The following THSD7B variants were observed in gnomAD, a reference collection of about 807,000 sequenced individuals.
THSD7B encodes thrombospondin type-1 domain-containing protein 7B.
Under a neutral mutation model 213.6 loss-of-function variants are expected in THSD7B, and 138 were observed. The observed-to-expected ratio is 0.65, with a 90% CI of 0.56 to 0.74. The LOEUF is 0.74. Ranked by LOEUF, THSD7B falls within the 30% of genes least tolerant of loss-of-function variation. THSD7B has a pLI of 0.00. For synonymous variants in THSD7B, 742 were observed against 687.0 expected (o/e 1.08, Z -1.25); for missense variants, 1,931 against 1,991.5 (o/e 0.97, Z 0.58).
intron 14 of THSD7B, among the ~76,000 whole-genome samples, chr2:137,440,758 G>T (rs968652309): frequency 6.6e-6 from 1 of 152,072 alleles, no homozygotes; most frequent in Non-Finnish European, 1.5e-5. Flanking sequence ...AAGTAAGCAG[G>T]TAGGCAGTAG....
At chr2:136,941,539 A>G (rs1296276510) in intron 2 of THSD7B, among the ~76,000 whole-genome samples, 5 of 152,092 alleles carry the variant, frequency 3.3e-5, no homozygotes, top group African/African-American at 1.2e-4. Context: ...CTTTTTAATG[A>G]TCACCATTCT....
chr2:137,073,840 T>G (rs1174964357), intron 3 of THSD7B, among the ~76,000 whole-genome samples: 4 of 152,168 alleles, frequency 2.6e-5, no homozygotes, highest in Admixed American at 6.6e-5. Context: ...AGTTCGTTAT[T>G]TACCCAGTAG....
At chr2:137,147,807 C>T (rs896341483) in intron 5 of THSD7B, among the ~76,000 whole-genome samples, 4 of 152,106 alleles carry the variant, frequency 2.6e-5, no homozygotes, top group African/African-American at 4.8e-5. Context: ...TCTTTCTTAC[C>T]GGATCTTCCT....
At chr2:137,042,761 C>T (rs997125741) in intron 2 of THSD7B, among the ~76,000 whole-genome samples, 1 of 152,200 alleles carries the variant, frequency 6.6e-6, no homozygotes, top group Non-Finnish European at 1.5e-5. Context: ...ATTTTCTTTT[C>T]AATAGCCTGA....
chr2:137,642,252 T>C, intron 20 of THSD7B: 2 of 448,638 alleles, frequency 4.5e-6, no homozygotes, highest in Non-Finnish European at 7.9e-6. Context: ...CGTTTGTACT[T>C]TGAAGACTAA....
chr2:137,427,243 C>A (rs1687079416), intron 14 of THSD7B, among the ~76,000 whole-genome samples: 3 of 151,994 alleles, frequency 2.0e-5, no homozygotes, highest in Admixed American at 2.0e-4. Context: ...GTTTCCTTAA[C>A]AAATTAAATA....
rs61745449 is a variant in THSD7B at position 137,115,163 on chromosome 2, C to A, written c.1239C>A (p.Val413=). 325 of 1,613,942 alleles carry A rather than the reference C, an allele frequency of 2.0e-4. 1 individual carries two copies. In the African/African-American group the frequency reaches 3.7e-3, roughly 19 times the overall value. ...WRTSEWKECQ[V]SLLLEQQDPH... ...CTTCTGAATGGAAAGAATGCCAAGT[C>A]TCTCTCCTCCTCGAGCAGCAGGATC... The change falls in exon 5 of 28, where the codon GTC becomes GTA. Residue 413 remains valine, a synonymous_variant. Transcript: ENST00000409968.
At chr2:137,031,364 A>C (rs998438367) in intron 2 of THSD7B, among the ~76,000 whole-genome samples, 4 of 151,592 alleles carry the variant, frequency 2.6e-5, no homozygotes, top group Non-Finnish European at 5.9e-5. Context: ...GAATAAATAC[A>C]TAAATAAATA....
chr2:137,639,837 A>G (rs910573793), intron 20 of THSD7B, among the ~76,000 whole-genome samples: 4 of 152,156 alleles, frequency 2.6e-5, no homozygotes, highest in African/African-American at 7.2e-5. Context: ...CCCATTTGGA[A>G]TGGCTGTATT....
chr2:136,810,765 A>C (rs2104929827), intron 1 of THSD7B, among the ~76,000 whole-genome samples: 1 of 152,332 alleles, frequency 6.6e-6, no homozygotes, highest in Admixed American at 6.5e-5. Context: ...CCCTGAAGGC[A>C]TGCTTCTTGT....
chr2:137,327,348 T>C (rs1207823205), intron 12 of THSD7B, among the ~76,000 whole-genome samples: 1 of 152,234 alleles, frequency 6.6e-6, no homozygotes, highest in Admixed American at 6.5e-5. Flanking sequence ...ACTGTAAGTA[T>C]TAAAAGTATC....
chr2:136,882,452 G>A, intron 2 of THSD7B, 135 bp downstream of exon 2: 1 of 1,007,292 alleles, frequency 9.9e-7, no homozygotes, highest in South Asian at 3.6e-5. Flanking sequence ...TTTAAATTCT[G>A]CAGCTCATAT....
chr2:137,620,059 G>T (rs911735785), intron 19 of THSD7B, among the ~76,000 whole-genome samples: 11 of 152,130 alleles, frequency 7.2e-5, no homozygotes, highest in African/African-American at 2.7e-4. Flanking sequence ...TGTATGGTTT[G>T]CCAAGATGCT....
intron 15 of THSD7B, among the ~76,000 whole-genome samples, chr2:137,531,180 A>G (rs566308141): frequency 6.6e-6 from 1 of 152,076 alleles, no homozygotes; most frequent in African/African-American, 2.4e-5. Flanking sequence ...CTTGTAAGGC[A>G]CACACGCTGC....
chr2:137,304,363 A>G (rs926592258), intron 12 of THSD7B, among the ~76,000 whole-genome samples: 7 of 152,176 alleles, frequency 4.6e-5, no homozygotes, highest in Admixed American at 2.6e-4. Context: ...GTAGAGATGC[A>G]GTAATTGCCA....
At chr2:137,113,718 T>G (rs1175601182) in intron 4 of THSD7B, among the ~76,000 whole-genome samples, 1 of 152,160 alleles carries the variant, frequency 6.6e-6, no homozygotes, top group Non-Finnish European at 1.5e-5. Context: ...ATTACAGGCA[T>G]GAGCCACTGT....
At chr2:136,904,037 C>T (rs1684110914) in intron 2 of THSD7B, among the ~76,000 whole-genome samples, 1 of 123,136 alleles carries the variant, frequency 8.1e-6, no homozygotes, top group Non-Finnish European at 2.0e-5. Context: ...ATGACAAAAC[C>T]CATAGTCCCA....
At chr2:137,174,516 T>A (rs1680322340) in intron 7 of THSD7B, among the ~76,000 whole-genome samples, 1 of 152,218 alleles carries the variant, frequency 6.6e-6, no homozygotes, top group African/African-American at 2.4e-5. Flanking sequence ...CTTTGGGTTA[T>A]CTTAGATTTG....
chr2:137,128,545 G>A (rs1007169425), intron 5 of THSD7B, among the ~76,000 whole-genome samples: 1 of 152,138 alleles, frequency 6.6e-6, no homozygotes, highest in African/African-American at 2.4e-5. Flanking sequence ...CTTACCAAGA[G>A]GGAAAATTAG....
Sources: gnomAD v4.1 joint callset for allele counts (sites outside exome capture counted in the v4.1 genomes callset) on GRCh38, gnomAD v4.1.1 for gene constraint, MANE v1.5 for transcripts, NCBI Gene and HGNC (gene_info 2026-07-23, HGNC 2026-07-21) for gene names.